Variants in EEFSEC observed in about 807,000 individuals in gnomAD.
The protein encoded by EEFSEC is eukaryotic elongation factor, selenocysteine-tRNA specific, also known as selenocysteine-specific elongation factor.
Under a neutral mutation model 42.1 loss-of-function variants are expected in EEFSEC, and 43 were observed. The observed-to-expected ratio is 1.02, with a 90% CI of 0.80 to 1.32. The LOEUF (loss-of-function observed/expected upper bound fraction) is 1.32. EEFSEC is among the 40% of genes most tolerant of loss of function. The pLI, the probability that EEFSEC is intolerant of heterozygous loss-of-function variation, is 0.00. For missense variants in EEFSEC, 745 were observed against 803.6 expected (o/e 0.93, Z 0.88); for synonymous variants, 354 against 339.1 (o/e 1.04, Z -0.48).
intron 1 of EEFSEC, among the ~76,000 whole-genome samples, chr3:128,207,555 G>GACACATTGCATACACAC (rs1338613686): frequency 8.4e-6 from 1 of 119,536 alleles, no homozygotes; most frequent in Non-Finnish European, 1.7e-5. Context: ...CTCTCCCACA[G>GACACATTGCATACACAC]ACACATTGCA....
chr3:128,171,884 T>A (rs2065302917), intron 1 of EEFSEC, among the ~76,000 whole-genome samples: 1 of 149,516 alleles, frequency 6.7e-6, no homozygotes, highest in Non-Finnish European at 1.5e-5. Flanking sequence ...AACAAAAAAA[T>A]GATATGTTTA....
At chr3:128,315,860 A>G (rs1002225943) in intron 4 of EEFSEC, among the ~76,000 whole-genome samples, 1 of 152,198 alleles carries the variant, frequency 6.6e-6, no homozygotes, top group Admixed American at 6.5e-5. Context: ...AGTGGAGATC[A>G]CTATGTTTAA....
At chr3:128,286,534 T>C (rs1432497725) in intron 4 of EEFSEC, among the ~76,000 whole-genome samples, 1 of 152,238 alleles carries the variant, frequency 6.6e-6, no homozygotes, top group Non-Finnish European at 1.5e-5. Context: ...GCTGCTCAAA[T>C]GGTTCCAGCC....
At chr3:128,302,696 C>T (rs1261715328) in intron 4 of EEFSEC, among the ~76,000 whole-genome samples, 1 of 151,794 alleles carries the variant, frequency 6.6e-6, no homozygotes, top group Non-Finnish European at 1.5e-5. Context: ...GAGTAGGAGC[C>T]TCTCCTCCTC....
intron 1 of EEFSEC, among the ~76,000 whole-genome samples, chr3:128,174,277 A>G (rs1246413640): frequency 6.6e-6 from 1 of 152,240 alleles, no homozygotes; most frequent in Non-Finnish European, 1.5e-5. Flanking sequence ...TCACACAGAA[A>G]ATACAGTTTA....
intron 6 of EEFSEC, among the ~76,000 whole-genome samples, chr3:128,400,845 G>A (rs1295918011): frequency 6.6e-6 from 1 of 152,222 alleles, no homozygotes; most frequent in Non-Finnish European, 1.5e-5. Context: ...CCCAAGCCAG[G>A]ACCCGGCAGC....
At chr3:128,380,016 A>C (rs1332113145) in intron 6 of EEFSEC, among the ~76,000 whole-genome samples, 1 of 152,242 alleles carries the variant, frequency 6.6e-6, no homozygotes, top group African/African-American at 2.4e-5. Context: ...TGAGGCTGGC[A>C]TGTAAGGTAT....
chr3:128,337,286 C>A (rs1256303242), intron 4 of EEFSEC, among the ~76,000 whole-genome samples: 2 of 152,176 alleles, frequency 1.3e-5, no homozygotes, highest in African/African-American at 4.8e-5. Context: ...CCTGTCTAGG[C>A]CCTTAAAATC....
At chr3:128,403,437 G>A (rs760295159) in intron 6 of EEFSEC, among the ~76,000 whole-genome samples, 18 of 152,318 alleles carry the variant, frequency 1.2e-4, no homozygotes, top group East Asian at 7.7e-4. Flanking sequence ...CTAGCAGAGC[G>A]GGTGGCAGAG....
chr3:128,158,974 C>T (rs918105137), intron 1 of EEFSEC, among the ~76,000 whole-genome samples: 2 of 152,240 alleles, frequency 1.3e-5, no homozygotes, highest in African/African-American at 2.4e-5. Flanking sequence ...TTTGTCTCAT[C>T]TCTGGAGTAG....
chr3:128,335,382 G>A (rs1021492075), intron 4 of EEFSEC, among the ~76,000 whole-genome samples: 1 of 152,152 alleles, frequency 6.6e-6, no homozygotes, highest in South Asian at 2.1e-4. Context: ...TGACTGAGGA[G>A]GGGCTCTGAT....
chr3:128,250,539 G>A (rs999552552), intron 2 of EEFSEC, among the ~76,000 whole-genome samples: 11 of 152,006 alleles, frequency 7.2e-5, no homozygotes, highest in African/African-American at 4.8e-5. Context: ...GTAAAAAATC[G>A]ATTGACCATA....
At chr3:128,416,389 G>A in the EEFSEC span, among the ~76,000 whole-genome samples, 5 of 152,020 alleles carry the variant, frequency 3.3e-5, no homozygotes, top group African/African-American at 7.2e-5. Context: ...CCTCAGCCCC[G>A]CCCAGCTCCA....
At chr3:128,372,234 C>G (rs1276693996) in intron 6 of EEFSEC, among the ~76,000 whole-genome samples, 1 of 152,178 alleles carries the variant, frequency 6.6e-6, no homozygotes, top group Non-Finnish European at 1.5e-5. Context: ...CTTGATTTAG[C>G]AAACCACCAG....
intron 5 of EEFSEC, among the ~76,000 whole-genome samples, chr3:128,352,562 G>A (rs1438813730): frequency 6.6e-6 from 1 of 152,230 alleles, no homozygotes; most frequent in Non-Finnish European, 1.5e-5. Context: ...GAGGCCGGCA[G>A]TCTCTTAGAG....
At chr3:128,376,891 A>G (rs1383393858) in intron 6 of EEFSEC, among the ~76,000 whole-genome samples, 2 of 152,162 alleles carry the variant, frequency 1.3e-5, no homozygotes, top group African/African-American at 4.8e-5. Context: ...GGGAACCCTC[A>G]CACTGTGGGC....
chr3:128,184,135 TA>T (rs2065440398), intron 1 of EEFSEC, among the ~76,000 whole-genome samples: 1 of 152,230 alleles, frequency 6.6e-6, no homozygotes, highest in African/African-American at 2.4e-5. Context: ...CAACTACTTT[TA>T]GTGTTTTTTC....
chr3:128,414,337 C>G, the EEFSEC span, among the ~76,000 whole-genome samples: 1 of 152,244 alleles, frequency 6.6e-6, no homozygotes, highest in Admixed American at 6.5e-5. Flanking sequence ...CCACTCTCTG[C>G]AGGGCCCTCC....
intron 1 of EEFSEC, among the ~76,000 whole-genome samples, chr3:128,237,743 G>A (rs755389350): frequency 9.2e-5 from 14 of 152,166 alleles, no homozygotes; most frequent in Non-Finnish European, 1.9e-4. Flanking sequence ...TTGCCTTGAT[G>A]TCTTACATGG....
Sources: allele counts gnomAD v4.1 joint callset (sites outside exome capture counted in the v4.1 genomes callset), GRCh38; gene constraint gnomAD v4.1.1; transcripts MANE v1.5; gene names NCBI Gene and HGNC (gene_info 2026-07-23, HGNC 2026-07-21).